MED23: variants seen among roughly 807,000 people sequenced by gnomAD.
MED23 encodes mediator complex subunit 23, also known as mediator of RNA polymerase II transcription subunit 23.
MED23 carries 105 observed loss-of-function variants against 163.9 expected under a neutral mutation model. The observed-to-expected ratio is 0.64, with a 90% CI of 0.55 to 0.75. MED23 has a LOEUF of 0.75. Among genes scored for constraint, MED23 ranks in the 30% least tolerant of loss-of-function variants. The pLI, the probability that MED23 is intolerant of heterozygous loss-of-function variation, is 0.00. For synonymous variants in MED23, 561 were observed against 565.6 expected, an observed-to-expected ratio of 0.99 and a Z score of 0.12; for missense variants, 1,054 against 1,649.0, an observed-to-expected ratio of 0.64 and a Z score of 6.25.
In MED23 at chr6:131,581,235, ATC is replaced by A. The variant is rs1276600622; in HGVS notation, c.4095+6472_4095+6473del. 3 of 1,613,900 alleles carry A rather than the reference ATC, an allele frequency of 1.9e-6. No homozygotes were observed. The Admixed American group carries it at 5.0e-5, about 27-fold the overall frequency. On this transcript the variant is annotated intron_variant, in intron 30 of 30. Coordinates refer to the MED23 transcript ENST00000354577. Reference sequence around the variant, plus strand: ...CCCCAAAAGTTTGGCAATTGGAAGCATCTCTGGCCATGCCAGGGTCCACCCTG... The same window carrying A: ...CCCCAAAAGTTTGGCAATTGGAAGCATCTGGCCATGCCAGGGTCCACCCTG...
Position 131,590,418 on chromosome 6 carries a change from AG to A in MED23, c.3710del (p.Pro1237LeufsTer2). 3.7e-6 allele frequency: 6 copies of A among 1,605,078 alleles called. No homozygotes were observed. The highest frequency in any genetic ancestry group is 5.1e-6 in the Non-Finnish European group (6 of 1,172,156). ...GCAACTGGAATTCGGTCTTCACTAT[AG>A]GAAGAAGTACTTCAGTAAGAAACCT... The part of the protein sequence containing the change: ...IPKFLTEVLL[P>X]IVKTEFQLLY... On this transcript the variant is annotated frameshift_variant, in exon 27 of 29. Transcript: ENST00000368068. LOFTEE classifies it high-confidence loss of function.
chr6:131,592,888 G>A, intron 24 of MED23, 118 bp downstream of exon 24: 1 of 1,174,176 alleles, frequency 8.5e-7, no homozygotes, highest in Non-Finnish European at 1.2e-6. Flanking sequence ...CCAGAAAACA[G>A]TCATCATCCA....
intron 14 of MED23, 71 bp downstream of exon 14, chr6:131,605,169 A>G: frequency 1.3e-6 from 2 of 1,525,708 alleles, no homozygotes; most frequent in Admixed American, 3.4e-5. Context: ...ACATAAAATC[A>G]TGAAATAAAG....
intron 4 of MED23, 144 bp from the exon 5 acceptor site, chr6:131,623,606 C>G: frequency 1.4e-6 from 1 of 712,770 alleles, no homozygotes; most frequent in Non-Finnish European, 2.5e-6. Context: ...ATGAGAAAAA[C>G]CATTTAAATC....
intron 5 of MED23, among the ~76,000 whole-genome samples, 174 bp downstream of exon 5, chr6:131,623,177 C>T (rs76341282): frequency 1.3e-5 from 2 of 152,094 alleles, no homozygotes; most frequent in Admixed American, 6.6e-5. Flanking sequence ...AGGGGAGTAG[C>T]GGAGCCAGGG....
At chr6:131,596,417 G>GA in intron 21 of MED23, 101 bp downstream of exon 21, 8 of 1,347,398 alleles carry the variant, frequency 5.9e-6, no homozygotes, top group Non-Finnish European at 8.5e-6. Flanking sequence ...ATAGACAAGA[G>GA]AAAAAACATT....
At chr6:131,574,385 C>T in intron 30 of MED23, 1 of 1,435,760 alleles carries the variant, frequency 7.0e-7, no homozygotes, top group African/African-American at 1.4e-5. Flanking sequence ...CCTGGAAATC[C>T]TCCAAAAGTC....
In MED23 at chr6:131,579,495, T is replaced by C; in HGVS notation, c.4096-5200A>G. 8.3e-6 allele frequency: 4 copies of C among 480,016 alleles called. No homozygotes were observed. The Admixed American group carries it at 1.5e-4, about 18-fold the overall frequency. The allele number at this position is 480,016 out of a possible 1,614,324, so 29.7% of individuals were successfully genotyped here. On this transcript the variant is annotated intron_variant, in intron 30 of 30. Transcript: ENST00000354577. ...GTCTTACAATATCTGTATTTTGACC[T>C]AGTACAGCAGAAAATGTATGAAATA...
rs370278413 is a variant in MED23 at position 131,610,135 on chromosome 6, G to A, written c.988C>T (p.Leu330=). 22 of 1,613,954 alleles carry A rather than the reference G, an allele frequency of 1.4e-5. No individual in the cohort carries two copies. The African/African-American group carries it at 2.9e-4, about 22-fold the overall frequency. The change falls in exon 11 of 29, where the codon CTG becomes TTG. Residue 330 remains leucine (L), a synonymous_variant. Coordinates refer to ENST00000368068, the MANE Select transcript of MED23 (RefSeq NM_004830.4). ...KFDDGGTSQL[L]WQHLSSQLIF... ...AGCTGACTTGAGAGATGCTGCCACA[G>A]GAGTTGGCTTGTTCCCCCATCGTCA...
intron 14 of MED23, among the ~76,000 whole-genome samples, chr6:131,604,849 C>T (rs1316690803): frequency 6.6e-6 from 1 of 152,150 alleles, no homozygotes; most frequent in Non-Finnish European, 1.5e-5. Context: ...TTGGCCTATA[C>T]AGTGGTTGTT....
At chr6:131,599,463 G>A (rs114915884) in intron 18 of MED23, among the ~76,000 whole-genome samples, 2,092 of 152,144 alleles carry the variant, frequency 0.014, 41 homozygotes, top group African/African-American at 0.039. Context: ...GTCATATTAC[G>A]CACACTCTGT....
Position 131,586,866 on chromosome 6 carries a change from A to C in MED23, c.*813T>G, listed in dbSNP as rs1033944420. 2.0e-6 allele frequency: 3 copies of C among 1,468,112 alleles called. No homozygotes were observed. The highest frequency in any genetic ancestry group is 2.8e-5 in the African/African-American group (2 of 70,954). The allele number at this position is 1,468,112 out of a possible 1,614,324, so 90.9% of individuals were successfully genotyped here. A position where few individuals can be genotyped will look rare whatever the true frequency, so the allele number is the denominator to read the frequency against. On this transcript the variant is annotated 3_prime_UTR_variant, in exon 29 of 29. Coordinates refer to ENST00000368068, the MANE Select transcript of MED23 (RefSeq NM_004830.4). ...AAATAAAATGTGTACTGTATTTACA[A>C]ATATAAAATTTAAAAATTTTAAGAT...
chr6:131,599,980 T>C lies in MED23; in HGVS notation c.2220+58A>G, dbSNP rs568643373. 1.5e-4 allele frequency: 242 copies of C among 1,589,304 alleles called. No homozygotes were observed. The African/African-American group carries it at 2.2e-3, about 14-fold the overall frequency. On this transcript the variant is annotated intron_variant, in intron 18 of 28. Coordinates refer to ENST00000368068, the MANE Select transcript of MED23 (RefSeq NM_004830.4). ...CACCAAGACTCACTCTAGAACACCATTGTGAATGGGAAGAAGGATTTCATG... is the reference window on the plus strand; with the variant it reads ...CACCAAGACTCACTCTAGAACACCACTGTGAATGGGAAGAAGGATTTCATG...
intron 26 of MED23, among the ~76,000 whole-genome samples, chr6:131,590,788 CTTTTA>C (rs1460318395): frequency 2.0e-5 from 3 of 151,670 alleles, no homozygotes; most frequent in Non-Finnish European, 2.9e-5. Flanking sequence ...CTGGCTAATT[CTTTTA>C]TTTTTAGTAG....
chr6:131,584,335 TTG>T (rs1164563034), downstream of MED23: 5 of 185,994 alleles, frequency 2.7e-5, no homozygotes, highest in African/African-American at 1.2e-4. Flanking sequence ...CAAGATTATA[TTG>T]TGTCTACATA....
intron 28 of MED23, 69 bp downstream of exon 28, chr6:131,589,396 G>C: frequency 6.9e-7 from 1 of 1,448,658 alleles, no homozygotes; most frequent in East Asian, 2.5e-5. Flanking sequence ...AACCAAAAAA[G>C]TCTATTACTA....
rs1465768445 is a variant in MED23, at chr6:131,598,431, G to C, written c.2463C>G (p.Ala821=). The C allele has an allele frequency of 6.2e-7, 1 of 1,614,108 alleles. No homozygotes were observed. Among genetic ancestry groups the C allele is most frequent in the Non-Finnish European group, 8.5e-7 (1 of 1,180,022 alleles). Residue 821 remains alanine (A), a synonymous_variant, in exon 20 of 29, where the codon GCC becomes GCG. Coordinates refer to ENST00000368068, the MANE Select transcript of MED23 (RefSeq NM_004830.4). The surrounding 1 kb of genome is among the most constrained non-coding windows in gnomAD (Gnocchi z 4.7). The stretch of plus-strand genomic sequence containing the variant: ...GGAAATCTGCAAATGTCCTCACATG[G>C]GCTACCAAGGCCCTGGCTCCAATTC... ...LERIGARALV[A]HVRTFADFLV...
At chr6:131,614,304 C>A (rs1220065618) in intron 10 of MED23, among the ~76,000 whole-genome samples, 1 of 152,130 alleles carries the variant, frequency 6.6e-6, no homozygotes, top group East Asian at 1.9e-4. Context: ...CAACACTGAG[C>A]AAGTTTTATG....
intron 30 of MED23, chr6:131,576,861 G>A (rs1170881127): frequency 1.5e-5 from 12 of 804,076 alleles, no homozygotes; most frequent in South Asian, 4.4e-5. Flanking sequence ...GTTACAACCC[G>A]AGAAACACAT....
Sources: allele counts gnomAD v4.1 joint callset (sites outside exome capture counted in the v4.1 genomes callset), GRCh38; gene constraint gnomAD v4.1.1; non-coding constraint Gnocchi (gnomAD v3.1); transcripts MANE v1.5; gene names NCBI Gene and HGNC (gene_info 2026-07-23, HGNC 2026-07-21).